Variants in SLC13A4 observed in about 807,000 individuals in gnomAD.
SLC13A4 encodes Na(+)/sulfate cotransporter SUT-1.
Under a neutral mutation model 72.7 loss-of-function variants are expected in SLC13A4, and 28 were observed. That is an observed-to-expected ratio of 0.39 (90% CI 0.29 to 0.53). SLC13A4 has a LOEUF of 0.53. Among genes scored for constraint, SLC13A4 ranks in the 20% least tolerant of loss-of-function variants. The pLI is 0.78. For synonymous variants in SLC13A4, 312 were observed against 325.5 expected, an observed-to-expected ratio of 0.96 and a Z score of 0.45; for missense variants, 653 against 788.0, an observed-to-expected ratio of 0.83 and a Z score of 2.05.
intron 2 of SLC13A4, among the ~76,000 whole-genome samples, chr7:135,714,691 A>G (rs560945491): frequency 5.9e-5 from 9 of 152,316 alleles, no homozygotes; most frequent in African/African-American, 2.2e-4. Context: ...GCTTTATGAA[A>G]TGCCCCCAGG....
At chr7:135,705,741 G>T in intron 4 of SLC13A4, 91 bp from the exon 5 acceptor site, 1 of 1,124,686 alleles carries the variant, frequency 8.9e-7, no homozygotes, top group Non-Finnish European at 1.4e-6. Context: ...TAGGGCGGAG[G>T]TGGGCCATAT....
intron 1 of SLC13A4, among the ~76,000 whole-genome samples, chr7:135,723,685 A>G (rs1164711990): frequency 6.6e-6 from 1 of 152,176 alleles, no homozygotes; most frequent in African/African-American, 2.4e-5. Flanking sequence ...AAAAGTTACA[A>G]AAGGTCGCTG....
intron 1 of SLC13A4, among the ~76,000 whole-genome samples, chr7:135,726,662 C>T (rs1471939618): frequency 1.3e-5 from 2 of 152,176 alleles, no homozygotes; most frequent in East Asian, 1.9e-4. Context: ...TTCTCACAAA[C>T]CAGGTGAAGA....
At chr7:135,709,087 G>T (rs879300531) in intron 2 of SLC13A4, among the ~76,000 whole-genome samples, 5 of 151,514 alleles carry the variant, frequency 3.3e-5, no homozygotes, top group Non-Finnish European at 7.4e-5. Flanking sequence ...CTGCCACCAT[G>T]CCTGGCTAAT....
intron 2 of SLC13A4, among the ~76,000 whole-genome samples, chr7:135,719,929 G>A (rs533801562): frequency 2.8e-4 from 40 of 143,330 alleles, no homozygotes; most frequent in Non-Finnish European, 5.1e-4. Context: ...GGGCCCAGGG[G>A]GAGAGAGACA....
chr7:135,691,889 T>C, intron 11 of SLC13A4: 1 of 471,922 alleles, frequency 2.1e-6, no homozygotes, highest in South Asian at 2.9e-5. Context: ...AGCCCGTTAA[T>C]TGGGGCAAGT....
At chr7:135,687,957 T>A (rs1423070197) in intron 13 of SLC13A4, among the ~76,000 whole-genome samples, 2 of 151,196 alleles carry the variant, frequency 1.3e-5, no homozygotes, top group African/African-American at 2.4e-5. Flanking sequence ...ATTACAGGCA[T>A]GTGCCACCAT....
rs145340397 is a variant in SLC13A4 at position 135,690,995 on chromosome 7, T to C, written c.1446+206A>G. Among the ~76,000 whole-genome samples, 302 of 152,002 alleles carry C rather than the reference T, an allele frequency of 2.0e-3. 1 individual carries two copies. Among genetic ancestry groups the C allele is most frequent in the African/African-American group, 6.7e-3 (278 of 41,444 alleles). On this transcript the variant is annotated intron_variant, in intron 13 of 15. Coordinates refer to ENST00000682651, the MANE Select transcript of SLC13A4 (RefSeq NM_001318192.2). Reference sequence around the variant, plus strand: ...GCCTGGCCAACATGGTGAAACCGCGTCTCTACTAAAAATACAAAAACTAGC... The same window carrying C: ...GCCTGGCCAACATGGTGAAACCGCGCCTCTACTAAAAATACAAAAACTAGC...
intron 5 of SLC13A4, chr7:135,704,567 C>T (rs181004990): frequency 4.6e-5 from 7 of 150,662 alleles, no homozygotes; most frequent in African/African-American, 1.5e-4. Flanking sequence ...CTCCCTCCCC[C>T]GACTTACTTT....
intron 2 of SLC13A4, among the ~76,000 whole-genome samples, chr7:135,720,162 T>C (rs1482360927): frequency 1.5e-4 from 23 of 152,206 alleles, no homozygotes; most frequent in Admixed American, 1.5e-3. Flanking sequence ...TTCTTCCTCA[T>C]ATCACAGAAG....
At position 135,685,599 on chromosome 7, in the gene SLC13A4, T is replaced by G; in HGVS notation, c.1531A>C (p.Ile511Leu). 2.5e-6 allele frequency: 4 copies of G among 1,614,186 alleles called. No individual in the cohort carries two copies. The highest frequency in any genetic ancestry group is 3.4e-6 in the Non-Finnish European group (4 of 1,180,018). Residue 511 changes from isoleucine to leucine, a missense_variant, in exon 14 of 16, where the codon ATC becomes CTC. Physicochemically the swap from Ile to Leu is conservative, Grantham distance 5 (BLOSUM62 2). Transcript: ENST00000682651. The stretch of plus-strand genomic sequence containing the variant: ...AACTCAGTGACAATGGACACGAGGA[T>G]GCATGCCAGCAGGGTGACAGCCCAC... ...PPWAVTLLAC[I>L]LVSIVTEFVS...
At chr7:135,724,539 GAGAA>G (rs1048419554) in intron 1 of SLC13A4, among the ~76,000 whole-genome samples, 6 of 148,144 alleles carry the variant, frequency 4.1e-5, no homozygotes, top group African/African-American at 1.5e-4. Flanking sequence ...AGGAGAGAGA[GAGAA>G]AGAAAGAGGA....
intron 2 of SLC13A4, among the ~76,000 whole-genome samples, chr7:135,711,818 C>T (rs964958555): frequency 2.0e-5 from 3 of 151,870 alleles, no homozygotes; most frequent in Non-Finnish European, 2.9e-5. Context: ...AGTGCAGTGG[C>T]GCAATCTCGG....
Position 135,695,414 on chromosome 7 carries a change from G to A in SLC13A4, c.973C>T (p.Leu325=), listed in dbSNP as rs769599933. ...TGCATCCAGAACCAGCTGACCACCAGCATGATGAGGGATATGGGGAAGCTG... is the reference window on the plus strand; with the variant it reads ...TGCATCCAGAACCAGCTGACCACCAACATGATGAGGGATATGGGGAAGCTG... ...LFSFPISLIM[L]VVSWFWMHWL... The change falls in exon 9 of 16, where the codon CTG becomes TTG. Residue 325 remains leucine, a synonymous_variant. Coordinates refer to ENST00000682651, the MANE Select transcript of SLC13A4 (RefSeq NM_001318192.2). The A allele has an allele frequency of 7.4e-6, 12 of 1,614,078 alleles. No homozygotes were observed. Among genetic ancestry groups the A allele is most frequent in the Non-Finnish European group, 1.0e-5 (12 of 1,180,018 alleles).
At chr7:135,685,240 A>T (rs979940382) in intron 14 of SLC13A4, among the ~76,000 whole-genome samples, 2 of 152,116 alleles carry the variant, frequency 1.3e-5, no homozygotes, top group African/African-American at 4.8e-5. Context: ...ATTATTTTGT[A>T]TGTTCTTTGG....
chr7:135,699,797 C>T (rs998411815), intron 7 of SLC13A4, among the ~76,000 whole-genome samples: 5 of 152,128 alleles, frequency 3.3e-5, no homozygotes, highest in Admixed American at 1.3e-4. Context: ...ATATGTAAAG[C>T]GCTTAGAACA....
At chr7:135,718,363 G>A (rs551731901) in intron 2 of SLC13A4, among the ~76,000 whole-genome samples, 2 of 152,256 alleles carry the variant, frequency 1.3e-5, no homozygotes, top group Admixed American at 1.3e-4. Context: ...TCCTATTCAC[G>A]TGCCTTCCTT....
At position 135,710,002 on chromosome 7, in the gene SLC13A4, G is replaced by C. The variant is rs148302923; in HGVS notation, c.229-1752C>G. Reference sequence around the variant, plus strand: ...CCTAGTAGAATAATATGCAAAAGTAGATGCTCAATAAATATTTGTCACATA... The same window carrying C: ...CCTAGTAGAATAATATGCAAAAGTACATGCTCAATAAATATTTGTCACATA... On this transcript the variant is annotated intron_variant, in intron 2 of 15. Coordinates refer to ENST00000682651, the MANE Select transcript of SLC13A4 (RefSeq NM_001318192.2). 7.9e-3 allele frequency among the ~76,000 whole-genome samples: 1,198 copies of C among 152,284 alleles called. 22 individuals are homozygous for C. Among genetic ancestry groups the C allele is most frequent in the African/African-American group, 0.027 (1,125 of 41,550 alleles).
intron 14 of SLC13A4, among the ~76,000 whole-genome samples, chr7:135,684,762 A>G (rs1795584596): frequency 6.6e-6 from 1 of 151,890 alleles, no homozygotes; most frequent in Non-Finnish European, 1.5e-5. Flanking sequence ...CAGGAGCAAG[A>G]TGACGGAAGG....
Sources: gnomAD v4.1 joint callset for allele counts (sites outside exome capture counted in the v4.1 genomes callset) on GRCh38, gnomAD v4.1.1 for gene constraint, MANE v1.5 for transcripts, NCBI Gene and HGNC (gene_info 2026-07-23, HGNC 2026-07-21) for gene names.